PATJ: variants seen among roughly 807,000 people sequenced by gnomAD.
PATJ encodes the protein PATJ crumbs cell polarity complex component, also known as inaD-like protein.
Under a neutral mutation model 224.9 loss-of-function variants are expected in PATJ, and 190 were observed. The ratio of observed to expected loss-of-function variants is 0.84; its 90% confidence interval spans 0.75 to 0.95. The LOEUF is 0.95. Ranked by LOEUF, PATJ falls within the 40% of genes least tolerant of loss-of-function variation. The pLI is 0.00. For missense variants in PATJ, 2,121 were observed against 2,270.3 expected, an observed-to-expected ratio of 0.93 and a Z score of 1.34; for synonymous variants, 769 against 820.3, an observed-to-expected ratio of 0.94 and a Z score of 1.07.
chr1:61,810,704 AAAT>A lies in PATJ; in HGVS notation c.1683+2177_1683+2179del, dbSNP rs1205203740. On this transcript the variant is annotated intron_variant, in intron 14 of 43. Transcript: ENST00000642238. ...AGAGCGAGACTCTGTCTCAAAAAAT[AAAT>A]AAATAAATAAATAAATAAATAAATA... Among the ~76,000 whole-genome samples, 30 of 29,926 alleles carry A rather than the reference AAAT, an allele frequency of 1.0e-3. 1 individual carries two copies. Among genetic ancestry groups the A allele is most frequent in the African/African-American group, 5.0e-3 (28 of 5,572 alleles). 19.6% of individuals were successfully genotyped at this position (29,926 alleles called of 152,430 possible).
At chr1:62,128,277 ATAT>A (rs1379732521) in intron 40 of PATJ, 183 bp downstream of exon 40, 2 of 564,806 alleles carry the variant, frequency 3.5e-6, no homozygotes, top group African/African-American at 1.9e-5. Flanking sequence ...GCACATAAAA[ATAT>A]TATTATTTGT....
In PATJ at chr1:62,079,547, A is replaced by C. The variant is rs768929008; in HGVS notation, c.4223A>C (p.Asp1408Ala). Residue 1408 changes from aspartate (D) to alanine (A), a missense_variant, in exon 32 of 44, where the codon GAT becomes GCT. By Grantham distance (126) the Asp-to-Ala change is moderately radical (BLOSUM62 -2). Transcript: ENST00000642238. ...LAPASSYHST[D>A]ADFTGYGGFQ... ...CCAGCTTCATCATACCATTCAACAG[A>C]TGCAGACTTCACAGGCTATGGTATG... The C allele has an allele frequency of 6.2e-7, 1 of 1,603,512 alleles. No individual in the cohort carries two copies. Among genetic ancestry groups the C allele is most frequent in the Non-Finnish European group, 8.5e-7 (1 of 1,170,572 alleles).
intron 33 of PATJ, among the ~76,000 whole-genome samples, chr1:62,091,580 G>A (rs1660735393): frequency 6.6e-6 from 1 of 152,128 alleles, no homozygotes; most frequent in African/African-American, 2.4e-5. Context: ...ATGTGGCTTT[G>A]TTCCTAGACA....
chr1:61,771,859 A>G (rs1014085746), intron 6 of PATJ, among the ~76,000 whole-genome samples: 2 of 151,768 alleles, frequency 1.3e-5, no homozygotes, highest in African/African-American at 4.8e-5. Context: ...AGCTGGGACT[A>G]CAGGCGCCCA....
At chr1:61,831,969 A>G (rs1290255858) in intron 16 of PATJ, among the ~76,000 whole-genome samples, 1 of 152,246 alleles carries the variant, frequency 6.6e-6, no homozygotes, top group African/African-American at 2.4e-5. Context: ...TGTGGTACAT[A>G]GACACCATGG....
intron 41 of PATJ, among the ~76,000 whole-genome samples, chr1:62,140,378 C>T (rs917532191): frequency 1.3e-5 from 2 of 152,074 alleles, no homozygotes; most frequent in South Asian, 2.1e-4. Flanking sequence ...TTTGGCCGAG[C>T]GTGGTGGCTC....
intron 1 of PATJ, among the ~76,000 whole-genome samples, chr1:61,755,669 A>C (rs2148227260): frequency 6.6e-6 from 1 of 152,326 alleles, no homozygotes; most frequent in South Asian, 2.1e-4. Flanking sequence ...AGTCTATCTA[A>C]ATCAGAGCTT....
At chr1:61,888,139 T>C (rs941445147) in intron 22 of PATJ, among the ~76,000 whole-genome samples, 3 of 152,174 alleles carry the variant, frequency 2.0e-5, no homozygotes, top group African/African-American at 7.2e-5. Context: ...AGGCCCGGTG[T>C]CCTAATGTGA....
Position 62,086,209 on chromosome 1 carries a change from A to C in PATJ, c.4377+1561A>C, listed in dbSNP as rs78621235. On this transcript the variant is annotated intron_variant, in intron 33 of 43. Coordinates refer to ENST00000642238, the MANE Select transcript of PATJ (RefSeq NM_001350145.3). This position sits in a 1 kb window ranked among gnomAD's most constrained non-coding sequence, Gnocchi z 4.0. ...CTTTTCCTGGGTTTTGATTTACTCA[A>C]GATGTGATTAATTAATGCATGTGTG... 0.082 allele frequency among the ~76,000 whole-genome samples: 12,438 copies of C among 151,528 alleles called. 950 individuals are homozygous for C. Among genetic ancestry groups the C allele is most frequent in the African/African-American group, 0.21 (8,475 of 41,148 alleles).
chr1:61,987,427 C>A (rs1644823858), intron 27 of PATJ, among the ~76,000 whole-genome samples: 1 of 151,938 alleles, frequency 6.6e-6, no homozygotes, highest in Admixed American at 6.6e-5. Flanking sequence ...TGCCTTATTA[C>A]TTTCTGAGAG....
intron 27 of PATJ, among the ~76,000 whole-genome samples, chr1:61,985,803 A>C (rs982813921): frequency 6.6e-6 from 1 of 152,022 alleles, no homozygotes; most frequent in African/African-American, 2.4e-5. Context: ...TCATGGGGAA[A>C]ACTTCTTTCT....
chr1:62,146,143 G>T (rs570855104), intron 41 of PATJ, among the ~76,000 whole-genome samples: 1 of 152,062 alleles, frequency 6.6e-6, no homozygotes, highest in Admixed American at 6.6e-5. Flanking sequence ...AATACAGAAC[G>T]TGCCAGGCAG....
At chr1:61,969,394 G>T (rs147198078) in intron 27 of PATJ, among the ~76,000 whole-genome samples, 5 of 152,142 alleles carry the variant, frequency 3.3e-5, no homozygotes, top group Admixed American at 2.6e-4. Flanking sequence ...CTTATTATTT[G>T]CTGGTTTTTT....
chr1:61,879,611 CTT>C (rs59233481), intron 21 of PATJ, among the ~76,000 whole-genome samples: 36 of 146,236 alleles, frequency 2.5e-4, no homozygotes, highest in African/African-American at 5.7e-4. Context: ...AGAATTTTTC[CTT>C]TTTTTTTTTT....
intron 42 of PATJ, among the ~76,000 whole-genome samples, chr1:62,152,117 G>A (rs1261098731): frequency 6.6e-6 from 1 of 152,140 alleles, no homozygotes; most frequent in Non-Finnish European, 1.5e-5. Flanking sequence ...CACCACACAT[G>A]GTACTGGGAA....
intron 30 of PATJ, among the ~76,000 whole-genome samples, chr1:62,039,302 G>T (rs1651027299): frequency 1.3e-5 from 2 of 152,106 alleles, no homozygotes; most frequent in Admixed American, 1.3e-4. Flanking sequence ...AGTAAGAAAG[G>T]ATCATGTTTT....
At chr1:62,047,175 C>G (rs1652717499) in intron 30 of PATJ, among the ~76,000 whole-genome samples, 1 of 152,194 alleles carries the variant, frequency 6.6e-6, no homozygotes, top group African/African-American at 2.4e-5. Flanking sequence ...CTTCTGGGAC[C>G]AGAGGTGGTG....
intron 18 of PATJ, among the ~76,000 whole-genome samples, chr1:61,860,569 G>C (rs952426566): frequency 2.0e-5 from 3 of 152,004 alleles, no homozygotes; most frequent in Non-Finnish European, 4.4e-5. Context: ...CACGCCTGTA[G>C]TCCCAGCACT....
At position 61,989,064 on chromosome 1, in the gene PATJ, C is replaced by T. The variant is rs374298160; in HGVS notation, c.3671-1104C>T. Among the ~76,000 whole-genome samples the T allele has an allele frequency of 1.4e-4, 22 of 152,258 alleles. No individual in the cohort carries two copies. In the East Asian group the frequency reaches 1.7e-3, roughly 12 times the overall value. ...GCCTGATCTTGTGTTCTGCGGGGCA[C>T]AGCACATGCTTAAAGCAGTACCATC... On this transcript the variant is annotated intron_variant, in intron 27 of 43. Transcript: ENST00000642238.
Sources: gnomAD v4.1 joint callset for allele counts (sites outside exome capture counted in the v4.1 genomes callset) on GRCh38, gnomAD v4.1.1 for gene constraint, Gnocchi (gnomAD v3.1) non-coding constraint, MANE v1.5 for transcripts, NCBI Gene and HGNC (gene_info 2026-07-23, HGNC 2026-07-21) for gene names.